Variants in SHROOM4 observed in about 807,000 individuals in gnomAD.
SHROOM4 encodes the protein protein Shroom4.
SHROOM4 carries 17 observed loss-of-function variants against 80.3 expected under a neutral mutation model. The ratio of observed to expected loss-of-function variants is 0.21; its 90% CI spans 0.14 to 0.32. The LOEUF is 0.32. SHROOM4 is among the 10% of genes least tolerant of loss of function. SHROOM4 has a pLI of 1.00. For missense variants in SHROOM4, 993 were observed against 1,140.3 expected, an observed-to-expected ratio of 0.87 and a Z score of 1.86; for synonymous variants, 400 against 437.5, an observed-to-expected ratio of 0.91 and a Z score of 1.07.
chrX:50,652,110 G>A (rs1402228515), intron 2 of SHROOM4, among the ~76,000 whole-genome samples: 2 of 111,924 alleles, frequency 1.8e-5, no homozygotes, highest in African/African-American at 3.2e-5. Flanking sequence ...TAATGGGATT[G>A]CTAGATCAAA....
intron 1 of SHROOM4, among the ~76,000 whole-genome samples, chrX:50,719,107 A>C (rs1208058693): frequency 4.5e-5 from 5 of 112,074 alleles, no homozygotes; most frequent in Admixed American, 2.8e-4. Context: ...TTTTCCAAGC[A>C]CAGTCACACA....
At chrX:50,680,303 T>C (rs1030851876) in intron 2 of SHROOM4, among the ~76,000 whole-genome samples, 2 of 112,063 alleles carry the variant, frequency 1.8e-5, no homozygotes, top group African/African-American at 6.5e-5. Context: ...CCTTTTAATG[T>C]CCATGGTTTT....
intron 2 of SHROOM4, among the ~76,000 whole-genome samples, chrX:50,683,329 C>T (rs782804235): frequency 9.0e-6 from 1 of 111,348 alleles, no homozygotes; most frequent in South Asian, 3.8e-4. Flanking sequence ...TTTCAAGGGG[C>T]CTGTTCACCA....
intron 1 of SHROOM4, among the ~76,000 whole-genome samples, chrX:50,730,360 G>A (rs1934340889): frequency 9.0e-6 from 1 of 110,729 alleles, no homozygotes; most frequent in Admixed American, 9.7e-5. Context: ...CCAGGAGGTG[G>A]AAGTTGCAGT....
At chrX:50,647,062 G>C (rs1298778186) in intron 2 of SHROOM4, among the ~76,000 whole-genome samples, 1 of 111,712 alleles carries the variant, frequency 9.0e-6, no homozygotes, top group East Asian at 2.8e-4. Context: ...CAGATGACTC[G>C]GGAAAGCTCT....
intron 1 of SHROOM4, among the ~76,000 whole-genome samples, chrX:50,701,168 A>C (rs1602445250): frequency 8.9e-6 from 1 of 111,874 alleles, no homozygotes; most frequent in East Asian, 2.8e-4. Flanking sequence ...CAAATCATTA[A>C]ATTTCCCTGG....
intron 5 of SHROOM4, among the ~76,000 whole-genome samples, chrX:50,608,411 A>C (rs1929797650): frequency 1.8e-5 from 2 of 111,911 alleles, no homozygotes; most frequent in African/African-American, 6.5e-5. Flanking sequence ...TCACTTATCT[A>C]ATCCTCACAA....
Position 50,595,747 on chromosome X carries a change from G to A in SHROOM4, c.*948C>T, listed in dbSNP as rs1420440427. ...TCTGCAGAAAATGCTTTCCTTCTGGGCTAACTTTTCCCTCTCCAACTTCCC... is the reference window on the plus strand; with the variant it reads ...TCTGCAGAAAATGCTTTCCTTCTGGACTAACTTTTCCCTCTCCAACTTCCC... On this transcript the variant is annotated 3_prime_UTR_variant, in exon 9 of 9. Coordinates refer to ENST00000376020, the MANE Select transcript of SHROOM4 (RefSeq NM_020717.5). 1.7e-5 allele frequency: 5 copies of A among 296,946 alleles called. No individual in the cohort carries two copies. Among genetic ancestry groups the A allele is most frequent in the South Asian group, 1.6e-4 (5 of 31,762 alleles). The allele number at this position is 296,946 out of a possible 1,213,427, so 24.5% of individuals were successfully genotyped here.
At chrX:50,656,890 T>C (rs1557259513) in intron 2 of SHROOM4, among the ~76,000 whole-genome samples, 1 of 111,147 alleles carries the variant, frequency 9.0e-6, no homozygotes, top group Non-Finnish European at 1.9e-5. Flanking sequence ...TGGAATATCT[T>C]TATTTTTTAT....
At chrX:50,716,842 T>G (rs1205595966) in intron 1 of SHROOM4, among the ~76,000 whole-genome samples, 1 of 112,701 alleles carries the variant, frequency 8.9e-6, no homozygotes, top group African/African-American at 3.2e-5. Flanking sequence ...ATGATTTACC[T>G]TGATACCCGC....
Position 50,814,129 on chromosome X carries a change from C to T in SHROOM4, c.-111G>A. 1.3e-5 allele frequency: 7 copies of T among 530,658 alleles called. No individual in the cohort carries two copies. The South Asian group carries it at 1.9e-4, about 14-fold the overall frequency. The allele number at this position is 530,658 out of a possible 1,213,427, so 43.7% of individuals were successfully genotyped here. A position where few individuals can be genotyped will look rare whatever the true frequency, so the allele number is the denominator to read the frequency against. ...TCCAGCTCTACGCCACCCCGCACCG[C>T]CCTGCTCCGCCTACTCTCCCGGCTG... On this transcript the variant is annotated 5_prime_UTR_variant, in exon 1 of 9. Coordinates refer to ENST00000376020, the MANE Select transcript of SHROOM4 (RefSeq NM_020717.5).
chrX:50,691,023 T>A (rs1557262589), intron 2 of SHROOM4, among the ~76,000 whole-genome samples: 1 of 112,821 alleles, frequency 8.9e-6, no homozygotes, highest in Non-Finnish European at 1.9e-5. Context: ...TTTAAAAATA[T>A]TATCTCAATA....
intron 1 of SHROOM4, among the ~76,000 whole-genome samples, chrX:50,743,271 T>G (rs1934705369): frequency 9.1e-6 from 1 of 110,448 alleles, no homozygotes; most frequent in Non-Finnish European, 1.9e-5. Context: ...GAATCCAAGT[T>G]CTGGGCACTA....
intron 2 of SHROOM4, among the ~76,000 whole-genome samples, chrX:50,661,344 T>TC: frequency 9.0e-6 from 1 of 110,785 alleles, no homozygotes; most frequent in Middle Eastern, 4.6e-3. Flanking sequence ...ATTACAGGCG[T>TC]CCAACACCAC....
rs1929749775 is a variant in SHROOM4 at position 50,607,776 on chromosome X, C to CTGCTGTTGCTGT, written c.3365_3366insACAGCAACAGCA (p.Gln1125_Gln1128dup). ...GTTGCTTCTGCTGCTGCTGTTGCTG[C>CTGCTGTTGCTGT]TTCTGCTGCTGGGCTGCACGAAAGA... is the stretch of plus-strand genomic sequence containing the variant. On this transcript the variant is annotated inframe_insertion, in exon 6 of 9. Coordinates refer to ENST00000376020, the MANE Select transcript of SHROOM4 (RefSeq NM_020717.5). 8.3e-7 allele frequency: 1 copy of CTGCTGTTGCTGT among 1,206,258 alleles called. No homozygotes were observed. The highest frequency in any genetic ancestry group is 1.8e-5 in the African/African-American group (1 of 56,888).
At chrX:50,664,989 A>G (rs193068204) in intron 2 of SHROOM4, among the ~76,000 whole-genome samples, 1 of 110,623 alleles carries the variant, frequency 9.0e-6, no homozygotes, top group African/African-American at 3.3e-5. Flanking sequence ...GGAGAAAAAG[A>G]CTAGATTAAA....
intron 2 of SHROOM4, among the ~76,000 whole-genome samples, chrX:50,644,089 G>C (rs1193780508): frequency 1.8e-5 from 2 of 112,116 alleles, no homozygotes; most frequent in Admixed American, 9.4e-5. Context: ...ATTTTCCAAG[G>C]TGAAGGTCCT....
In SHROOM4 at chrX:50,634,090, T is replaced by A. The variant is rs1557255052; in HGVS notation, c.1983A>T (p.Arg661Ser). 8.3e-7 allele frequency: 1 copy of A among 1,211,853 alleles called. No individual in the cohort carries two copies. The highest frequency in any genetic ancestry group is 3.0e-5 in the East Asian group (1 of 33,813). The part of the protein sequence containing the change: ...DKLFNKSMML[R>S]ARSSECLSQA... Reference sequence around the variant, plus strand: ...GGCTGAGGCACTCGGAAGACCTAGCTCTGAGCATCATGCTTTTGTTGAAGA... The same window carrying A: ...GGCTGAGGCACTCGGAAGACCTAGCACTGAGCATCATGCTTTTGTTGAAGA... Residue 661 changes from arginine to serine, a missense_variant, in exon 4 of 9, where the codon AGA (arginine) becomes AGT (serine). Arg to Ser is a moderately radical substitution (Grantham distance 110). Transcript: ENST00000376020.
intron 1 of SHROOM4, among the ~76,000 whole-genome samples, chrX:50,787,026 C>T (rs1006928729): frequency 8.2e-5 from 9 of 110,181 alleles, no homozygotes; most frequent in African/African-American, 2.3e-4. Flanking sequence ...AGACCAGCCT[C>T]GGCAACATAG....
Sources: allele counts gnomAD v4.1 joint callset (sites outside exome capture counted in the v4.1 genomes callset), GRCh38; gene constraint gnomAD v4.1.1; transcripts MANE v1.5; gene names NCBI Gene and HGNC (gene_info 2026-07-23, HGNC 2026-07-21).